Variants in ATXN7L1 observed in about 807,000 individuals in gnomAD.
ATXN7L1 encodes the protein ataxin 7 like 1.
A neutral mutation model predicts 70.8 loss-of-function variants in ATXN7L1; 15 were observed. The ratio of observed to expected loss-of-function variants is 0.21; its 90% CI spans 0.14 to 0.33. ATXN7L1 has a LOEUF of 0.33. Among genes scored for constraint, ATXN7L1 ranks in the 10% least tolerant of loss-of-function variants. The pLI is 1.00. For synonymous variants in ATXN7L1, 440 were observed against 445.1 expected (o/e 0.99, Z 0.14); for missense variants, 975 against 1,097.1 (o/e 0.89, Z 1.57).
chr7:105,790,226 T>C (rs1804937201), intron 2 of ATXN7L1, among the ~76,000 whole-genome samples: 1 of 152,174 alleles, frequency 6.6e-6, no homozygotes, highest in Non-Finnish European at 1.5e-5. Flanking sequence ...CTAAGATCGA[T>C]AGTGATGACA....
chr7:105,874,123 C>CAA lies in ATXN7L1; in HGVS notation c.250+1687_250+1688dup, dbSNP rs766696244. 9.0e-3 allele frequency among the ~76,000 whole-genome samples: 643 copies of CAA among 71,810 alleles called. 10 individuals are homozygous for CAA. The highest frequency in any genetic ancestry group is 0.034 in the South Asian group (71 of 2,086). 47.1% of individuals were successfully genotyped at this position (71,810 alleles called of 152,430 possible). ...CTGGCGACAGAGTGAGAATCCGTAT[C>CAA]AAAAAAAAAAAAAAAAAAAAAATCT... On this transcript the variant is annotated intron_variant, in intron 2 of 11. Coordinates refer to ENST00000419735, the MANE Select transcript of ATXN7L1 (RefSeq NM_020725.2).
At chr7:105,806,402 T>C (rs2116528525) in intron 2 of ATXN7L1, among the ~76,000 whole-genome samples, 1 of 152,188 alleles carries the variant, frequency 6.6e-6, no homozygotes, top group East Asian at 1.9e-4. Context: ...TCCAAAATTG[T>C]GAGAAATAAA....
intron 3 of ATXN7L1, among the ~76,000 whole-genome samples, chr7:105,685,201 C>T (rs1030035464): frequency 3.3e-5 from 5 of 152,088 alleles, no homozygotes; most frequent in Admixed American, 1.3e-4. Context: ...AGTCCAAATC[C>T]CGGCTCTCCT....
chr7:105,612,494 G>A lies in ATXN7L1; in HGVS notation c.2472+1368C>T, dbSNP rs189457144. On this transcript the variant is annotated intron_variant, in intron 10 of 11. Transcript: ENST00000419735. ...GAATCTGCATGTTCACAAGCCCCCC[G>A]GGGGATTCGTGTATATGTTCAAACT... Among the ~76,000 whole-genome samples the A allele has an allele frequency of 3.8e-4, 58 of 152,236 alleles. No individual in the cohort carries two copies. The East Asian group carries it at 9.7e-3, about 25-fold the overall frequency.
At chr7:105,855,819 C>T (rs540947998) in intron 2 of ATXN7L1, among the ~76,000 whole-genome samples, 1 of 152,266 alleles carries the variant, frequency 6.6e-6, no homozygotes, top group South Asian at 2.1e-4. Context: ...CAACTATTTA[C>T]ACAGCATTTA....
At chr7:105,778,510 C>CAAAAAAAAAAAAAA (rs745820046) in intron 3 of ATXN7L1, among the ~76,000 whole-genome samples, 1 of 34,162 alleles carries the variant, frequency 2.9e-5, no homozygotes, top group Non-Finnish European at 6.0e-5. Context: ...GACCCTATCT[C>CAAAAAAAAAAAAAA]AAAAAAAAAA....
intron 3 of ATXN7L1, among the ~76,000 whole-genome samples, chr7:105,685,085 T>A (rs866666685): frequency 2.1e-5 from 3 of 144,188 alleles, no homozygotes; most frequent in Non-Finnish European, 3.1e-5. Context: ...ATAATAATAA[T>A]AAATGGTTTT....
rs117868192 is a variant in ATXN7L1 at position 105,804,669 on chromosome 7, C to T, written c.251-15961G>A. On this transcript the variant is annotated intron_variant, in intron 2 of 11. Coordinates refer to ENST00000419735, the MANE Select transcript of ATXN7L1 (RefSeq NM_020725.2). Reference sequence around the variant, plus strand: ...TTGAAAAAACATCAATCACAGCAGCCGGCATTTATTGAGTATTTACTCCAC... The same window carrying T: ...TTGAAAAAACATCAATCACAGCAGCTGGCATTTATTGAGTATTTACTCCAC... 7.7e-3 allele frequency among the ~76,000 whole-genome samples: 1,175 copies of T among 152,204 alleles called. 5 individuals carry two copies. Among genetic ancestry groups the T allele is most frequent in the Non-Finnish European group, 0.012 (821 of 68,016 alleles).
intron 2 of ATXN7L1, among the ~76,000 whole-genome samples, chr7:105,870,653 A>C (rs1818122936): frequency 6.6e-6 from 1 of 152,226 alleles, no homozygotes; most frequent in Non-Finnish European, 1.5e-5. Context: ...AATTCAGGTG[A>C]GGCAAGGGGA....
intron 9 of ATXN7L1, among the ~76,000 whole-genome samples, chr7:105,616,804 G>T (rs1044248905): frequency 1.3e-5 from 2 of 152,186 alleles, no homozygotes; most frequent in Non-Finnish European, 2.9e-5. Context: ...ATTTCTTAGA[G>T]GGGGAGGAAC....
At chr7:105,729,819 G>A (rs2116325989) in intron 3 of ATXN7L1, among the ~76,000 whole-genome samples, 1 of 150,618 alleles carries the variant, frequency 6.6e-6, no homozygotes, top group African/African-American at 2.4e-5. Context: ...CTCACTGCAA[G>A]CTCTGCCTCC....
chr7:105,805,398 G>A (rs1807422854), intron 2 of ATXN7L1, among the ~76,000 whole-genome samples: 1 of 152,198 alleles, frequency 6.6e-6, no homozygotes, highest in Non-Finnish European at 1.5e-5. Context: ...TGGCACTTGT[G>A]CCAGTGGGGA....
intron 3 of ATXN7L1, among the ~76,000 whole-genome samples, chr7:105,666,587 T>G (rs1802650155): frequency 6.6e-6 from 1 of 152,252 alleles, no homozygotes. Context: ...GTTGCCAGGC[T>G]GTCTCAAAGC....
intron 2 of ATXN7L1, among the ~76,000 whole-genome samples, chr7:105,807,726 A>C (rs1224346793): frequency 6.6e-6 from 1 of 152,194 alleles, no homozygotes; most frequent in African/African-American, 2.4e-5. Flanking sequence ...ACCCACATGG[A>C]GCACAGGTGA....
chr7:105,638,285 G>A, intron 7 of ATXN7L1, 68 bp downstream of exon 7: 1 of 1,479,102 alleles, frequency 6.8e-7, no homozygotes, highest in Non-Finnish European at 9.1e-7. Flanking sequence ...CAGACCACAT[G>A]CCACAGACCC....
chr7:105,722,194 A>C (rs1795259571), intron 3 of ATXN7L1, among the ~76,000 whole-genome samples: 1 of 152,166 alleles, frequency 6.6e-6, no homozygotes, highest in South Asian at 2.1e-4. Context: ...AGACAGGCTG[A>C]GGGCAGGGCT....
intron 2 of ATXN7L1, among the ~76,000 whole-genome samples, chr7:105,865,054 G>A (rs897938663): frequency 6.6e-6 from 1 of 152,162 alleles, no homozygotes; most frequent in African/African-American, 2.4e-5. Context: ...GGTGAGCCCC[G>A]GGCATCCCCC....
rs894822718 is a variant in ATXN7L1, at chr7:105,620,237, A to C, written c.1480T>G (p.Ser494Ala). Residue 494 changes from serine (S) to alanine (A), a missense_variant, in exon 9 of 12, where the codon TCC becomes GCC. This residue lies in a region of ATXN7L1 where 635 missense variants were observed against 699.4 expected (regional missense o/e 0.91). Coordinates refer to ENST00000419735, the MANE Select transcript of ATXN7L1 (RefSeq NM_020725.2). ...RWDRFRFALN[S>A]MVEKHLNSQM... Reference sequence around the variant, plus strand: ...GAATTCAGGTGTTTTTCTACCATGGAGTTTAGTGCGAATCGAAAACGATCC... The same window carrying C: ...GAATTCAGGTGTTTTTCTACCATGGCGTTTAGTGCGAATCGAAAACGATCC... The C allele has an allele frequency of 6.4e-7, 1 of 1,551,518 alleles. No homozygotes were observed. Among genetic ancestry groups the C allele is most frequent in the Non-Finnish European group, 8.7e-7 (1 of 1,146,872 alleles).
At position 105,620,262 on chromosome 7, in the gene ATXN7L1, C is replaced by A. The variant is rs999613077; in HGVS notation, c.1455G>T (p.Trp485Cys). Residue 485 changes from tryptophan to cysteine, a missense_variant, in exon 9 of 12, where the codon TGG becomes TGT. This residue lies in a region of ATXN7L1 where 635 missense variants were observed against 699.4 expected (regional missense o/e 0.91). Coordinates refer to ENST00000419735, the MANE Select transcript of ATXN7L1 (RefSeq NM_020725.2). ...GRGYYVFDRR[W>C]DRFRFALNSM... is the part of the protein sequence containing the mutation. The stretch of plus-strand genomic sequence containing the variant: ...AGTTTAGTGCGAATCGAAAACGATC[C>A]CATCTTCTATCAAACACATAGTACC... 2.6e-6 allele frequency: 4 copies of A among 1,551,298 alleles called. No individual in the cohort carries two copies. Among genetic ancestry groups the A allele is most frequent in the Middle Eastern group, 1.7e-4 (1 of 6,012 alleles).
Sources: gnomAD v4.1 joint callset for allele counts (sites outside exome capture counted in the v4.1 genomes callset) on GRCh38, gnomAD v4.1.1 for gene constraint, gnomAD v4.1.1 regional missense constraint, MANE v1.5 for transcripts, NCBI Gene and HGNC (gene_info 2026-07-23, HGNC 2026-07-21) for gene names.